The following OXR1 variants were observed in gnomAD, a reference collection of about 807,000 sequenced individuals.
OXR1 encodes oxidation resistance protein 1.
A neutral mutation model predicts 104.6 loss-of-function variants in OXR1; 41 were observed. The observed-to-expected ratio is 0.39, with a 90% CI of 0.31 to 0.51. The LOEUF (loss-of-function observed/expected upper bound fraction) is 0.51, where lower values mean the gene tolerates loss of function less well. Among genes scored for constraint, OXR1 ranks in the 20% least tolerant of loss-of-function variants. OXR1 has a pLI of 0.77. For missense variants in OXR1, 955 were observed against 1,031.9 expected (o/e 0.93, Z 1.02); for synonymous variants, 348 against 348.4 (o/e 1.00, Z 0.01).
rs550845403 is a variant in OXR1, at chr8:106,716,349, G to T, written c.1956+2364G>T. On this transcript the variant is annotated intron_variant, in intron 11 of 16. Transcript: ENST00000517566. ...GTATAAAATACACACTGGAGGCCGG[G>T]CGCGGTGGCTCACGCCTGTAATCCC... Among the ~76,000 whole-genome samples, 8 of 26,380 alleles carry T rather than the reference G, an allele frequency of 3.0e-4. 3 individuals are homozygous for T. The highest frequency in any genetic ancestry group is 6.0e-4 in the Non-Finnish European group (8 of 13,402). The allele number at this position is 26,380 out of a possible 152,430, so 17.3% of individuals were successfully genotyped here. A position where few individuals can be genotyped will look rare whatever the true frequency, so the allele number is the denominator to read the frequency against.
chr8:106,573,987 A>C (rs766210015), intron 3 of OXR1, among the ~76,000 whole-genome samples: 6 of 152,166 alleles, frequency 3.9e-5, no homozygotes, highest in Non-Finnish European at 7.3e-5. Context: ...TTCAAGTAGC[A>C]TGGCACTCTG....
chr8:106,309,005 G>T (rs546013455), intron 1 of OXR1, among the ~76,000 whole-genome samples: 8 of 151,844 alleles, frequency 5.3e-5, no homozygotes, highest in African/African-American at 1.7e-4. Context: ...TTGAGACAGG[G>T]TCTTGCTCTG....
intron 3 of OXR1, among the ~76,000 whole-genome samples, chr8:106,636,383 C>G (rs906872481): frequency 2.0e-5 from 3 of 151,852 alleles, no homozygotes; most frequent in Admixed American, 6.6e-5. Flanking sequence ...CAGCCAAACC[C>G]TTTTGCAACT....
At chr8:106,577,609 C>T (rs1348644296) in intron 3 of OXR1, among the ~76,000 whole-genome samples, 3 of 151,934 alleles carry the variant, frequency 2.0e-5, no homozygotes, top group African/African-American at 2.4e-5. Flanking sequence ...AGGCTGGTCT[C>T]GAACTCCTGA....
intron 2 of OXR1, among the ~76,000 whole-genome samples, chr8:106,435,601 G>C (rs1586640721): frequency 6.6e-6 from 1 of 152,126 alleles, no homozygotes; most frequent in African/African-American, 2.4e-5. Context: ...CCCATGTAAA[G>C]AACCAGTACA....
At chr8:106,710,896 A>G in intron 10 of OXR1, 106 bp downstream of exon 10, 1 of 748,798 alleles carries the variant, frequency 1.3e-6, no homozygotes, top group Admixed American at 3.4e-5. Context: ...ATAGTTTATG[A>G]TTAAAAGCAG....
chr8:106,740,729 C>T (rs1197802506), intron 14 of OXR1, among the ~76,000 whole-genome samples: 6 of 152,040 alleles, frequency 3.9e-5, no homozygotes, highest in Non-Finnish European at 8.8e-5. Flanking sequence ...AGAACATTTG[C>T]ACATACCAAC....
intron 2 of OXR1, among the ~76,000 whole-genome samples, chr8:106,427,484 A>G (rs1428221095): frequency 1.3e-5 from 2 of 152,102 alleles, no homozygotes; most frequent in Non-Finnish European, 2.9e-5. Flanking sequence ...AGACTGATAG[A>G]TTCTCCAAAG....
chr8:106,683,420 C>A, intron 5 of OXR1, 114 bp downstream of exon 5: 1 of 497,472 alleles, frequency 2.0e-6, no homozygotes, highest in South Asian at 4.3e-5. Context: ...TTTATATGTG[C>A]TTTTAACAAA....
intron 3 of OXR1, among the ~76,000 whole-genome samples, chr8:106,638,736 T>A (rs1823366291): frequency 6.6e-6 from 1 of 151,910 alleles, no homozygotes; most frequent in Admixed American, 6.6e-5. Context: ...CTACTAAAAC[T>A]ACAAAAATTA....
intron 1 of OXR1, among the ~76,000 whole-genome samples, chr8:106,282,707 C>T (rs1181916029): frequency 6.6e-6 from 1 of 152,142 alleles, no homozygotes; most frequent in African/African-American, 2.4e-5. Context: ...TTATCCTCTT[C>T]ACACAGAGTA....
chr8:106,710,779 GC>G lies in OXR1; in HGVS notation c.1784del (p.Pro595HisfsTer34). On this transcript the variant is annotated frameshift_variant, in exon 10 of 17. Coordinates refer to ENST00000517566, the MANE Select transcript of OXR1 (RefSeq NM_001198533.2). LOFTEE classifies it high-confidence loss of function. Reference protein sequence around the residue: ...DKKHEYWFAVPQERTDHLYAF... With the variant: ...DKKHEYWFAVXQERTDHLYAF... ...AGAAACATGAATATTGGTTTGCTGT[GC>G]CACAAGAAAGGTAAAAAACCCATAC... The G allele has an allele frequency of 6.6e-7, 1 of 1,507,430 alleles. No individual in the cohort carries two copies. Among genetic ancestry groups the G allele is most frequent in the South Asian group, 1.4e-5 (1 of 73,844 alleles). 93.4% of individuals were successfully genotyped at this position (1,507,430 alleles called of 1,614,324 possible). A position where few individuals can be genotyped will look rare whatever the true frequency, so the allele number is the denominator to read the frequency against.
intron 10 of OXR1, among the ~76,000 whole-genome samples, chr8:106,712,481 T>C (rs1483612983): frequency 1.3e-5 from 2 of 152,236 alleles, no homozygotes; most frequent in Admixed American, 1.3e-4. Flanking sequence ...ACAGGAAATC[T>C]GTAAAATATC....
intron 2 of OXR1, among the ~76,000 whole-genome samples, chr8:106,473,274 G>C (rs1821616814): frequency 6.6e-6 from 1 of 151,806 alleles, no homozygotes; most frequent in Admixed American, 6.6e-5. Context: ...AATGCCTTTT[G>C]ATGATGGTGA....
chr8:106,519,136 A>G lies in OXR1; in HGVS notation c.217A>G (p.Ile73Val), dbSNP rs1423304849. Residue 73 changes from isoleucine (I) to valine (V), a missense_variant, in exon 3 of 17, where the codon ATT becomes GTT. Transcript: ENST00000517566. ...GAGCGAACTGAAGAGGTTCTACACA[A>G]TTGGTGAGCACCAGATGTTTTATGC... ...RRSELKRFYTIDTGQKKTLDK... is the reference protein window; with the variant it reads ...RRSELKRFYTVDTGQKKTLDK... 2 of 1,546,456 alleles carry G rather than the reference A, an allele frequency of 1.3e-6. No individual in the cohort carries two copies. Among genetic ancestry groups the G allele is most frequent in the Non-Finnish European group, 1.8e-6 (2 of 1,142,604 alleles).
intron 3 of OXR1, among the ~76,000 whole-genome samples, chr8:106,575,757 C>A (rs1209714716): frequency 1.3e-5 from 2 of 150,610 alleles, no homozygotes; most frequent in Non-Finnish European, 3.0e-5. Context: ...TAAATGACAC[C>A]TCACTTATGT....
At chr8:106,597,192 G>A (rs1819597051) in intron 3 of OXR1, among the ~76,000 whole-genome samples, 1 of 152,144 alleles carries the variant, frequency 6.6e-6, no homozygotes, top group South Asian at 2.1e-4. Context: ...TAAACCCCAA[G>A]ACGATGCTGT....
At position 106,706,415 on chromosome 8, in the gene OXR1, C is replaced by T; in HGVS notation, c.894C>T (p.Cys298=). ...ATCAGCTATCAGGAAGGGACTTCTG[C>T]CATTCAAAGAAAATGACAGGAAGTA... ...DIDQLSGRDF[C]HSKKMTGSNT... The change falls in exon 9 of 17, where the codon TGC becomes TGT. Residue 298 remains cysteine, a synonymous_variant. Transcript: ENST00000517566. 6.3e-7 allele frequency: 1 copy of T among 1,581,920 alleles called. No homozygotes were observed. The highest frequency in any genetic ancestry group is 1.4e-5 in the African/African-American group (1 of 72,858).
rs532841860 is a variant in OXR1, at chr8:106,526,689, T to C, written c.220+7550T>C. ...TCCCGAGTAGCTGGGACTACAGGCGTCCGCCACCACGCCCGGCTAATTTTT... is the reference window on the plus strand; with the variant it reads ...TCCCGAGTAGCTGGGACTACAGGCGCCCGCCACCACGCCCGGCTAATTTTT... On this transcript the variant is annotated intron_variant, in intron 3 of 16. Coordinates refer to ENST00000517566, the MANE Select transcript of OXR1 (RefSeq NM_001198533.2). Among the ~76,000 whole-genome samples, 405 of 152,194 alleles carry C rather than the reference T, an allele frequency of 2.7e-3. 2 individuals are homozygous for C. The highest frequency in any genetic ancestry group is 5.8e-3 in the East Asian group (30 of 5,168).
Sources: gnomAD v4.1 joint callset for allele counts (sites outside exome capture counted in the v4.1 genomes callset) on GRCh38, gnomAD v4.1.1 for gene constraint, MANE v1.5 for transcripts, NCBI Gene and HGNC (gene_info 2026-07-23, HGNC 2026-07-21) for gene names.